UPB1: variants seen among roughly 807,000 people sequenced by gnomAD.
The protein encoded by UPB1 is beta-ureidopropionase 1, also known as beta-ureidopropionase.
In UPB1, 40 loss-of-function variants were observed where a neutral mutation model predicts 49.1. The observed-to-expected ratio is 0.81, with a 90% CI of 0.63 to 1.06. The LOEUF (loss-of-function observed/expected upper bound fraction) is 1.06. Among genes scored for constraint, UPB1 ranks in the 50% least tolerant of loss-of-function variants. The pLI is 0.00. For synonymous variants in UPB1, 207 were observed against 198.2 expected (o/e 1.04, Z -0.38); for missense variants, 499 against 505.9 (o/e 0.99, Z 0.13).
Position 24,500,169 on chromosome 22 carries a change from G to A in UPB1, c.167G>A (p.Gly56Glu), listed in dbSNP as rs759548754. ...TCCAGAGAAGACTTTGAACTGCAGG[G>A]ATATGCCTTTGAAGCAGCGGAGGAG... is the stretch of plus-strand genomic sequence containing the variant. The part of the protein sequence containing the change: ...AASREDFELQ[G>E]YAFEAAEEQL... The change falls in exon 2 of 10, where the codon GGA (glycine) becomes GAA (glutamate). Residue 56 changes from glycine (G) to glutamate (E), a missense_variant. Coordinates refer to ENST00000326010, the MANE Select transcript of UPB1 (RefSeq NM_016327.3). The A allele has an allele frequency of 6.2e-7, 1 of 1,614,234 alleles. No homozygotes were observed. The highest frequency in any genetic ancestry group is 8.5e-7 in the Non-Finnish European group (1 of 1,180,032).
intron 5 of UPB1, among the ~76,000 whole-genome samples, chr22:24,514,682 C>T (rs557369965): frequency 1.3e-5 from 2 of 152,316 alleles, no homozygotes; most frequent in African/African-American, 2.4e-5. Flanking sequence ...GGAGAAGGTG[C>T]GCTTTCAGGG....
In UPB1 at chr22:24,526,419, G is replaced by C. The variant is rs2044482136; in HGVS notation, c.*625G>C. ...GAAGGCCTAAAGAACAGAGCTAAGG[G>C]TTTCCCTGAGGAAGAAATTCTGCCT... On this transcript the variant is annotated 3_prime_UTR_variant, in exon 10 of 10. Transcript: ENST00000326010. 1 of 159,634 alleles carries C rather than the reference G, an allele frequency of 6.3e-6. No individual in the cohort carries two copies. The highest frequency in any genetic ancestry group is 5.9e-5 in the Admixed American group (1 of 16,910). 9.9% of individuals were successfully genotyped at this position (159,634 alleles called of 1,614,324 possible).
At chr22:24,496,372 A>AACACACACAC (rs60159909) in intron 1 of UPB1, among the ~76,000 whole-genome samples, 1,461 of 141,582 alleles carry the variant, frequency 0.01, 29 homozygotes, top group African/African-American at 0.035. Context: ...CCCTGTCTCA[A>AACACACACAC]ACACACACAC....
chr22:24,502,217 A>C lies in UPB1; in HGVS notation c.364+4A>C, dbSNP rs2044006008. The C allele has an allele frequency of 6.2e-7, 1 of 1,613,956 alleles. No individual in the cohort carries two copies. Among genetic ancestry groups the C allele is most frequent in the South Asian group, 1.1e-5 (1 of 91,070 alleles). Reference sequence around the variant, plus strand: ...ATCTGTTTCCAGGAAGCATGGAGTGAGTCTTTTTTATGGTGCTTTCTCTGC... The same window carrying C: ...ATCTGTTTCCAGGAAGCATGGAGTGCGTCTTTTTTATGGTGCTTTCTCTGC... On this transcript the variant is annotated splice_donor_region_variant and intron_variant, in intron 3 of 9. Coordinates refer to ENST00000326010, the MANE Select transcript of UPB1 (RefSeq NM_016327.3).
chr22:24,500,038 T>C, intron 1 of UPB1, 69 bp from the exon 2 acceptor site: 1 of 1,608,622 alleles, frequency 6.2e-7, no homozygotes, highest in Middle Eastern at 1.7e-4. Context: ...CTACAAGAAA[T>C]GGGAGAGAGA....
At chr22:24,505,859 C>A in intron 3 of UPB1, among the ~76,000 whole-genome samples, 1 of 142,956 alleles carries the variant, frequency 7.0e-6, no homozygotes, top group East Asian at 2.1e-4. Context: ...ACTACAGGCC[C>A]GTGCCACCAT....
intron 3 of UPB1, among the ~76,000 whole-genome samples, chr22:24,507,978 G>T (rs530774812): frequency 6.6e-6 from 1 of 151,870 alleles, no homozygotes; most frequent in African/African-American, 2.4e-5. Flanking sequence ...CCACTTTTCC[G>T]CTGCACACCG....
intron 3 of UPB1, 65 bp downstream of exon 3, chr22:24,502,278 C>A: frequency 6.7e-7 from 1 of 1,502,808 alleles, no homozygotes; most frequent in Non-Finnish European, 9.3e-7. Context: ...TCCATGTTGC[C>A]AAGAGTGTCT....
intron 1 of UPB1, among the ~76,000 whole-genome samples, chr22:24,499,391 C>T (rs2043948679): frequency 6.6e-6 from 1 of 152,164 alleles, no homozygotes; most frequent in South Asian, 2.1e-4. Context: ...TTCGGGTGTG[C>T]AACAGGTATC....
chr22:24,508,891 G>GA (rs370430159), intron 3 of UPB1, among the ~76,000 whole-genome samples: 2 of 150,878 alleles, frequency 1.3e-5, no homozygotes, highest in South Asian at 2.1e-4. Context: ...CAAAAGAAAA[G>GA]AAAAAAAGAA....
In UPB1 at chr22:24,523,787, A is replaced by G. The variant is rs777099883; in HGVS notation, c.1071+14A>G. On this transcript the variant is annotated intron_variant, in intron 9 of 9. Coordinates refer to ENST00000326010, the MANE Select transcript of UPB1 (RefSeq NM_016327.3). ...TGGAACTTCAAGGTAGGTCCCCAGG[A>G]CCCCTGTTGTTGCCTGCTCCTCTGC... 1.9e-6 allele frequency: 3 copies of G among 1,613,900 alleles called. No individual in the cohort carries two copies. Among genetic ancestry groups the G allele is most frequent in the Non-Finnish European group, 2.5e-6 (3 of 1,179,986 alleles).
chr22:24,521,990 A>G lies in UPB1; in HGVS notation c.878A>G (p.His293Arg). 1.9e-6 allele frequency: 3 copies of G among 1,614,134 alleles called. No individual in the cohort carries two copies. The highest frequency in any genetic ancestry group is 2.5e-6 in the Non-Finnish European group (3 of 1,180,016). The part of the protein sequence containing the change: ...TCAINRVGTE[H>R]FPNEFTSGDG... ...TACCTTGGTCTTATTTCACAGGAGC[A>G]CTTCCCGAACGAGTTTACCTCGGGA... Residue 293 changes from histidine (H) to arginine (R), a missense_variant, in exon 8 of 10, where the codon CAC (histidine) becomes CGC (arginine). By Grantham distance (29) the His-to-Arg change is conservative. Coordinates refer to ENST00000326010, the MANE Select transcript of UPB1 (RefSeq NM_016327.3).
At chr22:24,508,131 G>A (rs2147014926) in intron 3 of UPB1, among the ~76,000 whole-genome samples, 1 of 152,260 alleles carries the variant, frequency 6.6e-6, no homozygotes, top group East Asian at 1.9e-4. Flanking sequence ...GGGTCTTAAG[G>A]CCCTCGCAGA....
intron 8 of UPB1, 81 bp from the exon 9 acceptor site, chr22:24,523,538 T>C: frequency 1.9e-6 from 3 of 1,598,034 alleles, no homozygotes; most frequent in Non-Finnish European, 2.6e-6. Flanking sequence ...GTCCTGGGCC[T>C]GCCTCAAGGT....
At chr22:24,519,309 G>A (rs1260377303) in intron 6 of UPB1, among the ~76,000 whole-genome samples, 1 of 152,096 alleles carries the variant, frequency 6.6e-6, no homozygotes, top group Admixed American at 6.6e-5. Context: ...CCAGGTGCCT[G>A]CTGACACGAA....
intron 8 of UPB1, among the ~76,000 whole-genome samples, chr22:24,522,399 A>G (rs1601516788): frequency 6.6e-6 from 1 of 152,070 alleles, no homozygotes; most frequent in African/African-American, 2.4e-5. Flanking sequence ...CCCTTGCCCA[A>G]ACCAGCTGTA....
intron 7 of UPB1, among the ~76,000 whole-genome samples, chr22:24,521,054 G>C (rs949886108): frequency 1.3e-5 from 2 of 151,410 alleles, no homozygotes; most frequent in Admixed American, 1.3e-4. Context: ...AGGCTGGCAC[G>C]TGCCTGTGAT....
intron 4 of UPB1, among the ~76,000 whole-genome samples, chr22:24,512,284 C>G (rs1003026279): frequency 6.6e-6 from 1 of 152,160 alleles, no homozygotes; most frequent in South Asian, 2.1e-4. Flanking sequence ...AGAGACACTC[C>G]GCCTCCACAG....
intron 5 of UPB1, among the ~76,000 whole-genome samples, chr22:24,514,150 T>C (rs2044253655): frequency 6.6e-6 from 1 of 152,152 alleles, no homozygotes; most frequent in Admixed American, 6.5e-5. Flanking sequence ...TGAACTTGAT[T>C]TGCCATTAAT....
Sources: gnomAD v4.1 joint callset for allele counts (sites outside exome capture counted in the v4.1 genomes callset) on GRCh38, gnomAD v4.1.1 for gene constraint, MANE v1.5 for transcripts, NCBI Gene and HGNC (gene_info 2026-07-23, HGNC 2026-07-21) for gene names.